TENM2: variants seen among roughly 807,000 people sequenced by gnomAD.
The protein encoded by TENM2 is teneurin transmembrane protein 2.
TENM2 carries 52 observed loss-of-function variants against 245.2 expected under a neutral mutation model. That is an observed-to-expected ratio of 0.21 (90% CI 0.17 to 0.27). TENM2 has a LOEUF of 0.27. TENM2 is among the 10% of genes least tolerant of loss of function. The probability of loss-of-function intolerance (pLI) is 1.00; values close to 1 mark genes in which losing one functional copy is unlikely to be tolerated. For missense variants in TENM2, 3,046 were observed against 3,666.8 expected (o/e 0.83, Z 4.37); for synonymous variants, 1,363 against 1,438.9 (o/e 0.95, Z 1.19).
chr5:167,395,736 T>C (rs558548030), intron 2 of TENM2, among the ~76,000 whole-genome samples: 1 of 152,238 alleles, frequency 6.6e-6, no homozygotes, highest in African/African-American at 2.4e-5. Flanking sequence ...TTGTTTGACA[T>C]CCCTAGGGTA....
intron 1 of TENM2, among the ~76,000 whole-genome samples, chr5:167,293,778 T>A (rs1247805195): frequency 2.6e-5 from 4 of 151,802 alleles, no homozygotes. Flanking sequence ...AAAATTTGGA[T>A]TTTTTTTTAA....
intron 1 of TENM2, among the ~76,000 whole-genome samples, chr5:167,349,440 G>A (rs988189586): frequency 1.3e-5 from 2 of 152,206 alleles, no homozygotes; most frequent in Non-Finnish European, 2.9e-5. Flanking sequence ...TCTTTGCAGT[G>A]TGCCACACCA....
chr5:167,634,029 T>C (rs185430518), intron 2 of TENM2, among the ~76,000 whole-genome samples: 1 of 152,304 alleles, frequency 6.6e-6, no homozygotes, highest in African/African-American at 2.4e-5. Flanking sequence ...GCTTCCTCTT[T>C]AAATTAGTTG....
chr5:167,935,530 A>T (rs1041938968), intron 3 of TENM2, among the ~76,000 whole-genome samples: 2 of 152,198 alleles, frequency 1.3e-5, no homozygotes, highest in African/African-American at 4.8e-5. Flanking sequence ...CAGACCTTGG[A>T]CTTGGAGCTC....
At chr5:167,625,959 A>T (rs372463666) in intron 2 of TENM2, among the ~76,000 whole-genome samples, 1 of 152,200 alleles carries the variant, frequency 6.6e-6, no homozygotes, top group African/African-American at 2.4e-5. Flanking sequence ...CCACCAAAGC[A>T]GCGGAGTCAA....
At chr5:167,724,437 T>A (rs1013828032) in intron 2 of TENM2, among the ~76,000 whole-genome samples, 3 of 152,166 alleles carry the variant, frequency 2.0e-5, no homozygotes, top group African/African-American at 7.2e-5. Context: ...CATTGAGCAC[T>A]TACTATGGTT....
chr5:167,550,693 G>T (rs201442330), intron 2 of TENM2, among the ~76,000 whole-genome samples: 15,401 of 110,044 alleles, frequency 0.14, 1,391 homozygotes, highest in East Asian at 0.24. Flanking sequence ...TTTTTTTGTT[G>T]TTGTTAGTGT....
At chr5:167,510,657 GAGAA>G (rs1658960542) in intron 2 of TENM2, among the ~76,000 whole-genome samples, 1 of 151,810 alleles carries the variant, frequency 6.6e-6, no homozygotes, top group African/African-American at 2.4e-5. Flanking sequence ...AGGAAAGAAA[GAGAA>G]AGGAAAGGAA....
chr5:167,964,840 G>T (rs899743317), intron 4 of TENM2, among the ~76,000 whole-genome samples: 9 of 152,144 alleles, frequency 5.9e-5, no homozygotes, highest in African/African-American at 2.2e-4. Context: ...TCAAGGCTTT[G>T]GACCATGTTA....
At chr5:167,791,899 C>T (rs998018643) in intron 2 of TENM2, among the ~76,000 whole-genome samples, 5 of 152,152 alleles carry the variant, frequency 3.3e-5, no homozygotes, top group Non-Finnish European at 5.9e-5. Context: ...ATGGAACATA[C>T]ATTTTCCAGG....
intron 4 of TENM2, among the ~76,000 whole-genome samples, chr5:167,972,007 G>A (rs1781832887): frequency 6.6e-6 from 1 of 152,182 alleles, no homozygotes; most frequent in African/African-American, 2.4e-5. Flanking sequence ...AGGGAATGTT[G>A]GTGCCTACTT....
intron 2 of TENM2, among the ~76,000 whole-genome samples, chr5:167,640,787 G>A (rs1779502543): frequency 7.3e-6 from 1 of 137,826 alleles, no homozygotes. Context: ...ATCACATAAG[G>A]CAGTGTTACC....
At chr5:167,373,444 GTTAT>G (rs1173652052) in intron 1 of TENM2, among the ~76,000 whole-genome samples, 1 of 152,150 alleles carries the variant, frequency 6.6e-6, no homozygotes, top group Non-Finnish European at 1.5e-5. Context: ...TGGCTTTGGT[GTTAT>G]TTATGAGGTT....
chr5:168,157,916 T>G lies in TENM2; in HGVS notation c.2423-4695T>G, dbSNP rs146298104. ...GGGTGTGGGTTGTTGTTTGTTGTTG[T>G]TGGTGTTGTTGTTGTTGTTGTTTTG... On this transcript the variant is annotated intron_variant, in intron 12 of 28. Transcript: ENST00000518659. Among the ~76,000 whole-genome samples the G allele has an allele frequency of 3.0e-3, 463 of 152,182 alleles. 1 individual carries two copies. Among genetic ancestry groups the G allele is most frequent in the African/African-American group, 0.01 (419 of 41,538 alleles).
At chr5:167,586,078 AC>A (rs1775469335) in intron 2 of TENM2, among the ~76,000 whole-genome samples, 1 of 152,164 alleles carries the variant, frequency 6.6e-6, no homozygotes, top group African/African-American at 2.4e-5. Flanking sequence ...GAGCACCACT[AC>A]ACTCCAGCCT....
At chr5:167,568,338 G>A (rs1774037643) in intron 2 of TENM2, among the ~76,000 whole-genome samples, 1 of 152,056 alleles carries the variant, frequency 6.6e-6, no homozygotes, top group African/African-American at 2.4e-5. Flanking sequence ...TGTGTTTGGA[G>A]GTGTATAGAC....
chr5:167,518,807 A>C (rs1253777865), intron 2 of TENM2, among the ~76,000 whole-genome samples: 1 of 152,094 alleles, frequency 6.6e-6, no homozygotes, highest in African/African-American at 2.4e-5. Flanking sequence ...CCAAGTGTTG[A>C]ATGGTGTGCT....
At chr5:168,021,348 G>A (rs1471471287) in intron 5 of TENM2, among the ~76,000 whole-genome samples, 1 of 152,182 alleles carries the variant, frequency 6.6e-6, no homozygotes, top group Admixed American at 6.5e-5. Context: ...GCTTAAAGGA[G>A]CAAATGATTT....
At chr5:167,284,866 C>G (rs1771244946) in exon 1 of TENM2, 12 of 1,551,608 alleles carry the variant, frequency 7.7e-6, no homozygotes, top group Non-Finnish European at 1.0e-5. Flanking sequence ...CGACACCGCT[C>G]TTTGACCAGA....
Sources: gnomAD v4.1 joint callset for allele counts (sites outside exome capture counted in the v4.1 genomes callset) on GRCh38, gnomAD v4.1.1 for gene constraint, MANE v1.5 for transcripts, NCBI Gene and HGNC (gene_info 2026-07-23, HGNC 2026-07-21) for gene names.